PROCR: variants seen among roughly 807,000 people sequenced by gnomAD.
The protein encoded by PROCR is protein C receptor, also known as endothelial protein C receptor.
Under a neutral mutation model 24.2 loss-of-function variants are expected in PROCR, and 22 were observed. The observed-to-expected ratio is 0.91, with a 90% CI of 0.65 to 1.30. PROCR has a LOEUF of 1.30. Ranked by LOEUF, PROCR falls within the 50% of genes most tolerant of loss-of-function variation. The pLI is 0.00. For missense variants in PROCR, 288 were observed against 307.7 expected, an observed-to-expected ratio of 0.94 and a Z score of 0.48; for synonymous variants, 137 against 139.2, an observed-to-expected ratio of 0.98 and a Z score of 0.11.
chr20:35,192,696 G>A (rs1449278981), intron 1 of PROCR, among the ~76,000 whole-genome samples: 1 of 152,074 alleles, frequency 6.6e-6, no homozygotes, highest in Non-Finnish European at 1.5e-5. Flanking sequence ...TACCCAAGCT[G>A]TCTTATCTAT....
chr20:35,177,349 T>C lies in PROCR; in HGVS notation c.*536T>C. 1 of 981,384 alleles carries C rather than the reference T, an allele frequency of 1.0e-6. No individual in the cohort carries two copies. The highest frequency in any genetic ancestry group is 4.7e-5 in the South Asian group (1 of 21,216). The allele number at this position is 981,384 out of a possible 1,614,324, so 60.8% of individuals were successfully genotyped here. The stretch of plus-strand genomic sequence containing the variant: ...TCAATTAATAATATTAATAAATTTC[T>C]TATATTTAAGGCATTGTTATCTCCT... On this transcript the variant is annotated 3_prime_UTR_variant, in exon 4 of 4. Transcript: ENST00000216968.
At chr20:35,210,144 T>C (rs368816609) in intron 1 of PROCR, among the ~76,000 whole-genome samples, 87 of 152,254 alleles carry the variant, frequency 5.7e-4, no homozygotes, top group African/African-American at 2.0e-3. Flanking sequence ...GAGAATTGCT[T>C]GAGCCCAGGA....
At chr20:35,195,916 C>T (rs934776847) in intron 1 of PROCR, among the ~76,000 whole-genome samples, 16 of 151,486 alleles carry the variant, frequency 1.1e-4, no homozygotes, top group Non-Finnish European at 1.5e-5. Flanking sequence ...CACAGTGGCT[C>T]ATGCCTGTAA....
chr20:35,174,154 C>G (rs1798679390), intron 1 of PROCR, among the ~76,000 whole-genome samples: 1 of 152,088 alleles, frequency 6.6e-6, no homozygotes, highest in Non-Finnish European at 1.5e-5. Flanking sequence ...TCGACATTGG[C>G]TATGATTATT....
intron 1 of PROCR, among the ~76,000 whole-genome samples, chr20:35,186,009 T>C (rs1032542206): frequency 2.6e-5 from 4 of 152,214 alleles, no homozygotes; most frequent in Non-Finnish European, 4.4e-5. Flanking sequence ...AATTTGACAG[T>C]TCTTCAAAAA....
At chr20:35,176,652 T>A (rs1335051859) in intron 3 of PROCR, 46 bp from the exon 4 acceptor site, 7 of 1,576,244 alleles carry the variant, frequency 4.4e-6, no homozygotes, top group Non-Finnish European at 6.0e-6. Context: ...AATCATGGAC[T>A]CCTTGGGGGC....
At chr20:35,196,325 G>T (rs1160587556) in intron 1 of PROCR, among the ~76,000 whole-genome samples, 1 of 151,958 alleles carries the variant, frequency 6.6e-6, no homozygotes, top group African/African-American at 2.4e-5. Flanking sequence ...AGAAATGATG[G>T]CTGAAAACTT....
At chr20:35,198,641 G>C (rs141940064) in intron 1 of PROCR, among the ~76,000 whole-genome samples, 2,223 of 152,246 alleles carry the variant, frequency 0.015, 66 homozygotes, top group African/African-American at 0.05. Context: ...GATCACTGAT[G>C]AAGGTGGCTA....
intron 1 of PROCR, among the ~76,000 whole-genome samples, chr20:35,205,907 T>TCC (rs550750821): frequency 2.1e-5 from 3 of 140,216 alleles, no homozygotes; most frequent in Non-Finnish European, 4.6e-5. Flanking sequence ...CCTCCGGTGA[T>TCC]CCCCCCCCCA....
At chr20:35,192,179 G>A (rs562370502) in intron 1 of PROCR, among the ~76,000 whole-genome samples, 6 of 152,204 alleles carry the variant, frequency 3.9e-5, no homozygotes, top group East Asian at 3.8e-4. Context: ...TTAGAAAACC[G>A]CAGTATCTAC....
chr20:35,212,368 G>A (rs543827405), intron 1 of PROCR, among the ~76,000 whole-genome samples: 5 of 152,226 alleles, frequency 3.3e-5, no homozygotes, highest in East Asian at 3.9e-4. Flanking sequence ...GGGCCCTCAC[G>A]CTTGTTTTAA....
At chr20:35,177,466 T>G (rs2086032590), downstream of PROCR, 8 of 767,002 alleles carry the variant, frequency 1.0e-5, no homozygotes, top group Non-Finnish European at 1.3e-5. Context: ...TTTTTTTTTT[T>G]GAGACAGAGT....
In PROCR at chr20:35,177,027, G is replaced by A. The variant is rs2086027554; in HGVS notation, c.*214G>A. The stretch of plus-strand genomic sequence containing the variant: ...CTTGGTTTGCTAAGAACCTAAGAAC[G>A]TGTATGCTTTGCTGAATTAGTCTGA... On this transcript the variant is annotated 3_prime_UTR_variant, in exon 4 of 4. Transcript: ENST00000216968. The A allele has an allele frequency of 6.5e-6, 9 of 1,379,628 alleles. No individual in the cohort carries two copies. The highest frequency in any genetic ancestry group is 1.5e-5 in the South Asian group (1 of 67,314). 85.5% of individuals were successfully genotyped at this position (1,379,628 alleles called of 1,614,324 possible).
chr20:35,197,583 G>A (rs1192181114), intron 1 of PROCR, among the ~76,000 whole-genome samples: 1 of 152,056 alleles, frequency 6.6e-6, no homozygotes, highest in Admixed American at 6.6e-5. Flanking sequence ...CAGCACTTTG[G>A]GAGGCCGAGG....
chr20:35,208,870 G>C (rs1173950701), intron 1 of PROCR, among the ~76,000 whole-genome samples: 1 of 152,124 alleles, frequency 6.6e-6, no homozygotes, highest in African/African-American at 2.4e-5. Flanking sequence ...TACTCGGGAG[G>C]CTGAGGCAGG....
rs370937355 is a variant in PROCR at position 35,174,953 on chromosome 20, T to C, written c.322T>C (p.Phe108Leu). Residue 108 changes from phenylalanine (F) to leucine (L), a missense_variant and splice_region_variant, in exon 2 of 4, where the codon TTT (phenylalanine) becomes CTT (leucine). Coordinates refer to ENST00000216968, the MANE Select transcript of PROCR (RefSeq NM_006404.5). ...GGTGCACCAGGAGCGGACCTTGGCC[T>C]GTGAGTAGGCGCGCAGCGGGGGCGG... is the stretch of plus-strand genomic sequence containing the variant. ...RLVHQERTLA[F>L]PLTIRCFLGC... The C allele has an allele frequency of 2.9e-6, 4 of 1,392,044 alleles. No homozygotes were observed. The highest frequency in any genetic ancestry group is 3.8e-6 in the Non-Finnish European group (4 of 1,056,600). The allele number at this position is 1,392,044 out of a possible 1,614,324, so 86.2% of individuals were successfully genotyped here.
intron 1 of PROCR, among the ~76,000 whole-genome samples, chr20:35,183,539 CCT>C (rs2086097255): frequency 6.6e-6 from 1 of 152,170 alleles, no homozygotes; most frequent in South Asian, 2.1e-4. Flanking sequence ...CAAAAATAAA[CCT>C]CTTTTCTTTT....
chr20:35,185,359 A>G (rs1362516224), intron 1 of PROCR, among the ~76,000 whole-genome samples: 1 of 152,234 alleles, frequency 6.6e-6, no homozygotes, highest in East Asian at 1.9e-4. Flanking sequence ...TAGAGCTACC[A>G]TTTGATCCAG....
chr20:35,193,225 G>A (rs1042557175), intron 1 of PROCR, among the ~76,000 whole-genome samples: 3 of 151,504 alleles, frequency 2.0e-5, no homozygotes, highest in African/African-American at 4.9e-5. Flanking sequence ...CACCAGGCTG[G>A]AGTGTAGTGG....
Sources: gnomAD v4.1 joint callset for allele counts (sites outside exome capture counted in the v4.1 genomes callset) on GRCh38, gnomAD v4.1.1 for gene constraint, MANE v1.5 for transcripts, NCBI Gene and HGNC (gene_info 2026-07-23, HGNC 2026-07-21) for gene names.